Variants in SLC4A11 observed in about 807,000 individuals in gnomAD.
The protein encoded by SLC4A11 is bicarbonate transporter related protein 1.
A neutral mutation model predicts 95.0 loss-of-function variants in SLC4A11; 74 were observed. That is an observed-to-expected ratio of 0.78 (90% CI 0.65 to 0.95). The LOEUF is 0.95. Ranked by LOEUF, SLC4A11 falls within the 40% of genes least tolerant of loss-of-function variation. The probability of loss-of-function intolerance (pLI) is 0.00; values close to 1 mark genes in which losing one functional copy is unlikely to be tolerated. For synonymous variants in SLC4A11, 548 were observed against 519.0 expected, an observed-to-expected ratio of 1.06 and a Z score of -0.76; for missense variants, 1,081 against 1,192.4, an observed-to-expected ratio of 0.91 and a Z score of 1.38.
At position 3,233,930 on chromosome 20, in the gene SLC4A11, A is replaced by T; in HGVS notation, c.596T>A (p.Leu199His). 1.9e-6 allele frequency: 3 copies of T among 1,613,130 alleles called. No individual in the cohort carries two copies. Among genetic ancestry groups the T allele is most frequent in the Non-Finnish European group, 2.5e-6 (3 of 1,180,004 alleles). ...TGGCCTGGCAACTCACATGATGCAG[A>T]GCCACGACTGCTGGTACCGCACCCC... ...VTGVRYQQSW[L>H]CIICTMKALQ... The change falls in exon 6 of 20, where the codon CTC (leucine) becomes CAC (histidine). Residue 199 changes from leucine (L) to histidine (H), a missense_variant. Leu to His is a moderately conservative substitution (Grantham distance 99). This residue lies in a region of SLC4A11 where 310 missense variants were observed against 313.5 expected (regional missense o/e 0.99). Coordinates refer to ENST00000642402, the MANE Select transcript of SLC4A11 (RefSeq NM_001174089.2).
rs1470305092 is a variant in SLC4A11, at chr20:3,228,965, T to C, written c.2065A>G (p.Ile689Val). The C allele has an allele frequency of 1.4e-5, 22 of 1,613,694 alleles. No homozygotes were observed. Among genetic ancestry groups the C allele is most frequent in the Non-Finnish European group, 1.7e-5 (20 of 1,180,020 alleles). Reference protein sequence around the residue: ...AYHWDLLLLAIINTGLSLFGL... With the variant: ...AYHWDLLLLAVINTGLSLFGL... Reference sequence around the variant, plus strand: ...AACAGAGACAGCCCTGTGTTGATGATGGCGAGGAGCAGGAGGTCCCAGTGG... The same window carrying C: ...AACAGAGACAGCCCTGTGTTGATGACGGCGAGGAGCAGGAGGTCCCAGTGG... The change falls in exon 17 of 20, where the codon ATC becomes GTC. Residue 689 changes from isoleucine to valine, a missense_variant. Physicochemically the swap from Ile to Val is conservative, Grantham distance 29 (BLOSUM62 3). Around this residue, in one of 3 missense-constraint regions of SLC4A11, gnomAD observed 767 missense variants for 858.0 expected, o/e 0.89. Coordinates refer to ENST00000642402, the MANE Select transcript of SLC4A11 (RefSeq NM_001174089.2).
In SLC4A11 at chr20:3,231,746, G is replaced by A. The variant is rs990537682; in HGVS notation, c.730-198C>T. Reference sequence around the variant, plus strand: ...CGGCTTATCGTAGCCTCGACCTCCCGGGCTCAAGTGATTCTCCCACATCAG... The same window carrying A: ...CGGCTTATCGTAGCCTCGACCTCCCAGGCTCAAGTGATTCTCCCACATCAG... On this transcript the variant is annotated intron_variant, in intron 7 of 19. Coordinates refer to ENST00000642402, the MANE Select transcript of SLC4A11 (RefSeq NM_001174089.2). The surrounding 1 kb of genome is among the most constrained non-coding windows in gnomAD (Gnocchi z 5.2). Among the ~76,000 whole-genome samples, 6 of 152,082 alleles carry A rather than the reference G, an allele frequency of 3.9e-5. No individual in the cohort carries two copies. The highest frequency in any genetic ancestry group is 1.4e-4 in the African/African-American group (6 of 41,420).
At chr20:3,230,383 C>A in intron 12 of SLC4A11, 123 bp from the exon 13 acceptor site, 1 of 1,580,880 alleles carries the variant, frequency 6.3e-7, no homozygotes, top group Non-Finnish European at 8.7e-7. Flanking sequence ...GGGCCCCAGG[C>A]CTTGCCTGAG....
At position 3,234,767 on chromosome 20, in the gene SLC4A11, G is replaced by A. The variant is rs747040822; in HGVS notation, c.216C>T (p.Asn72=). 6 of 1,613,916 alleles carry A rather than the reference G, an allele frequency of 3.7e-6. No individual in the cohort carries two copies. The highest frequency in any genetic ancestry group is 4.5e-5 in the East Asian group (2 of 44,888). The change falls in exon 3 of 20, where the codon AAC becomes AAT. Residue 72 remains asparagine (N), a synonymous_variant. Transcript: ENST00000642402. The surrounding 1 kb of genome is among the most constrained non-coding windows in gnomAD (Gnocchi z 5.8). ...CAGTGTTGGTGGCCTGCATCTCAAG[G>A]TTGACATTGACAAAAAAACGGATAC... ...GESIRFFVNV[N]LEMQATNTEN...
At chr20:3,236,980 C>A (rs2068001814) in intron 2 of SLC4A11, among the ~76,000 whole-genome samples, 1 of 152,128 alleles carries the variant, frequency 6.6e-6, no homozygotes, top group South Asian at 2.1e-4. Flanking sequence ...CCTGAGGGCT[C>A]TGGGTAAGGG....
At position 3,229,137 on chromosome 20, in the gene SLC4A11, T is replaced by G. The variant is rs749826950; in HGVS notation, c.1976A>C (p.Glu659Ala). The G allele has an allele frequency of 5.7e-6, 9 of 1,583,424 alleles. No individual in the cohort carries two copies. The South Asian group carries it at 1.0e-4, about 18-fold the overall frequency. Residue 659 changes from glutamate (E) to alanine (A), a missense_variant, in exon 16 of 20, where the codon GAG becomes GCG. Physicochemically the swap from Glu to Ala is moderately radical, Grantham distance 107. Around this residue, in one of 3 missense-constraint regions of SLC4A11, gnomAD observed 767 missense variants for 858.0 expected, o/e 0.89. Coordinates refer to ENST00000642402, the MANE Select transcript of SLC4A11 (RefSeq NM_001174089.2). ...GFLLSMLFFI[E>A]QNLVAALVNA... ...CACCAAGGCGGCCACCAAGTTCTGCTCGATGAAGAAGAGCATGGACAGCAG... is the reference window on the plus strand; with the variant it reads ...CACCAAGGCGGCCACCAAGTTCTGCGCGATGAAGAAGAGCATGGACAGCAG...
chr20:3,230,017 C>T (rs369350762), intron 13 of SLC4A11, among the ~76,000 whole-genome samples, 170 bp downstream of exon 13: 92 of 152,274 alleles, frequency 6.0e-4, no homozygotes, highest in African/African-American at 1.7e-3. Flanking sequence ...CACCCTCCAG[C>T]GTGGAGGGCT....
Position 3,229,081 on chromosome 20 carries a change from C to G in SLC4A11, c.2018+14G>C. On this transcript the variant is annotated intron_variant, in intron 16 of 19. Coordinates refer to ENST00000642402, the MANE Select transcript of SLC4A11 (RefSeq NM_001174089.2). ...CCGGGCCCCGCCCACCCCACCCTCA[C>G]CCACCCTCCACACCTGTTCTCCGGT... The G allele has an allele frequency of 1.3e-6, 2 of 1,574,294 alleles. No homozygotes were observed. The highest frequency in any genetic ancestry group is 1.7e-6 in the Non-Finnish European group (2 of 1,163,194).
At chr20:3,228,028 A>AGCCTC (rs2067592269) in intron 19 of SLC4A11, among the ~76,000 whole-genome samples, 172 bp from the exon 20 acceptor site, 1 of 71,376 alleles carries the variant, frequency 1.4e-5, no homozygotes, top group South Asian at 6.6e-4. Flanking sequence ...CCTGCCCACC[A>AGCCTC]CCCACCCCAG....
rs750441626 is a variant in SLC4A11, at chr20:3,233,607, G to A, written c.636C>T (p.His212=). Residue 212 remains histidine, a synonymous_variant, in exon 7 of 20, where the codon CAC becomes CAT. Transcript: ENST00000642402. The stretch of plus-strand genomic sequence containing the variant: ...GGCGAACCAGGCGGCTGATGCACAC[G>A]TGCCGCTTCTGTAGGGCCTTCATGG... ...ICTMKALQKR[H]VCISRLVRPQ... 9 of 1,613,404 alleles carry A rather than the reference G, an allele frequency of 5.6e-6. No individual in the cohort carries two copies. The highest frequency in any genetic ancestry group is 5.5e-5 in the South Asian group (5 of 91,082).
chr20:3,232,042 A>G (rs1345205632), intron 7 of SLC4A11, among the ~76,000 whole-genome samples: 1 of 152,212 alleles, frequency 6.6e-6, no homozygotes, highest in Non-Finnish European at 1.5e-5. Flanking sequence ...CACCGCAACT[A>G]CCATCGATCT....
intron 1 of SLC4A11, chr20:3,238,365 G>C: frequency 1.6e-5 from 16 of 985,390 alleles, no homozygotes; most frequent in Non-Finnish European, 1.9e-5. Context: ...GGAGACCCCG[G>C]GGGTCGGGGC....
chr20:3,230,472 C>T (rs1359179759), intron 12 of SLC4A11, 43 bp downstream of exon 12: 2 of 1,613,122 alleles, frequency 1.2e-6, no homozygotes, highest in East Asian at 2.2e-5. Flanking sequence ...GAACCAGATC[C>T]CAAGCCTTGA....
chr20:3,239,154 C>G lies in SLC4A11; in HGVS notation c.-17G>C. 6.9e-7 allele frequency: 1 copy of G among 1,454,888 alleles called. No individual in the cohort carries two copies. The highest frequency in any genetic ancestry group is 9.0e-7 in the Non-Finnish European group (1 of 1,105,782). The allele number at this position is 1,454,888 out of a possible 1,614,324, so 90.1% of individuals were successfully genotyped here. On this transcript the variant is annotated 5_prime_UTR_variant, in exon 1 of 20. Transcript: ENST00000642402. ...CGCGGCCATGGCACACTCGCGCACT[C>G]ACGGCCGGGCTCCTCACGCGGCGCT...
rs532728316 is a variant in SLC4A11 at position 3,230,205 on chromosome 20, C to T, written c.1471G>A (p.Val491Ile). ...FISITFVLDA[V>I]KGTVKIFWKY... is the part of the protein sequence containing the mutation. ...CACTCACTTTTAACCGTGCCCTTGA[C>T]GGCATCCAGCACAAACGTGATGGAA... The change falls in exon 13 of 20, where the codon GTC (valine) becomes ATC (isoleucine). Residue 491 changes from valine to isoleucine, a missense_variant. Transcript: ENST00000642402. 100 of 1,613,582 alleles carry T rather than the reference C, an allele frequency of 6.2e-5. No homozygotes were observed. Among genetic ancestry groups the T allele is most frequent in the South Asian group, 4.9e-4 (45 of 91,090 alleles).
intron 1 of SLC4A11, chr20:3,238,017 A>C (rs751817391): frequency 6.5e-7 from 1 of 1,541,698 alleles, no homozygotes; most frequent in South Asian, 1.2e-5. Flanking sequence ...CTCTCTGCAC[A>C]TCCCTCTTCT....
chr20:3,237,951 G>A, intron 1 of SLC4A11: 1 of 1,550,612 alleles, frequency 6.4e-7, no homozygotes. Flanking sequence ...CGAGAGGAAG[G>A]GACCGGGCCC....
rs778331087 is a variant in SLC4A11 at position 3,239,081 on chromosome 20, G to C, written c.43+14C>G. On this transcript the variant is annotated intron_variant, in intron 1 of 19. Coordinates refer to ENST00000642402, the MANE Select transcript of SLC4A11 (RefSeq NM_001174089.2). ...GGCGGCCTTCCCGCCGCGCCCCCGG[G>C]TTCAGGCACCCACCGCACGGCTGCA... The C allele has an allele frequency of 6.8e-7, 1 of 1,475,022 alleles. No individual in the cohort carries two copies. Among genetic ancestry groups the C allele is most frequent in the African/African-American group, 1.5e-5 (1 of 68,296 alleles). The allele number at this position is 1,475,022 out of a possible 1,614,324, so 91.4% of individuals were successfully genotyped here.
At position 3,237,978 on chromosome 20, in the gene SLC4A11, C is replaced by G. The variant is rs529397954; in HGVS notation, c.44-390G>C. 4.1e-5 allele frequency: 63 copies of G among 1,549,844 alleles called. No homozygotes were observed. In the Admixed American group the frequency reaches 5.7e-4, roughly 14 times the overall value. On this transcript the variant is annotated intron_variant, in intron 1 of 19. Transcript: ENST00000642402. ...ACCGGGCCCGAGCGGGCCTCTCCCCCTCTCTCCTCGGATGCCAAGGCGGGG... is the reference window on the plus strand; with the variant it reads ...ACCGGGCCCGAGCGGGCCTCTCCCCGTCTCTCCTCGGATGCCAAGGCGGGG...
Sources: allele counts gnomAD v4.1 joint callset (sites outside exome capture counted in the v4.1 genomes callset), GRCh38; gene constraint gnomAD v4.1.1; regional missense constraint gnomAD v4.1.1; non-coding constraint Gnocchi (gnomAD v3.1); transcripts MANE v1.5; gene names NCBI Gene and HGNC (gene_info 2026-07-23, HGNC 2026-07-21).